Variants in GPHN observed in about 807,000 individuals in gnomAD.
GPHN encodes gephyrin.
Under a neutral mutation model 95.5 loss-of-function variants are expected in GPHN, and 17 were observed. The ratio of observed to expected loss-of-function variants is 0.18; its 90% CI spans 0.12 to 0.27. The LOEUF (loss-of-function observed/expected upper bound fraction) is 0.27. Among genes scored for constraint, GPHN ranks in the 10% least tolerant of loss-of-function variants. The pLI is 1.00. For missense variants in GPHN, 660 were observed against 978.1 expected, an observed-to-expected ratio of 0.67 and a Z score of 4.34; for synonymous variants, 320 against 322.5, an observed-to-expected ratio of 0.99 and a Z score of 0.08.
At chr14:66,673,471 A>C (rs1490068673) in intron 1 of GPHN, among the ~76,000 whole-genome samples, 1 of 152,206 alleles carries the variant, frequency 6.6e-6, no homozygotes, top group Non-Finnish European at 1.5e-5. Context: ...CTATATTCAC[A>C]AGCAGTGTGA....
chr14:67,573,799 A>G, the GPHN span: 1 of 1,604,428 alleles, frequency 6.2e-7, no homozygotes, highest in Non-Finnish European at 8.5e-7. This position sits in a 1 kb window ranked among gnomAD's most constrained non-coding sequence, Gnocchi z 4.8. Context: ...CTTTCTTTAC[A>G]GAGTGATGTC....
intron 3 of GPHN, among the ~76,000 whole-genome samples, chr14:66,787,172 A>G (rs971295324): frequency 2.0e-5 from 3 of 152,168 alleles, no homozygotes; most frequent in South Asian, 2.1e-4. Flanking sequence ...GATAAACACA[A>G]AAAGAAAAAA....
chr14:67,464,056 G>T, the GPHN span, among the ~76,000 whole-genome samples: 1 of 152,110 alleles, frequency 6.6e-6, no homozygotes, highest in African/African-American at 2.4e-5. Flanking sequence ...AGGTGGCGCA[G>T]GGTGTGTGTA....
chr14:67,490,687 C>A, the GPHN span, among the ~76,000 whole-genome samples: 11 of 152,224 alleles, frequency 7.2e-5, no homozygotes, highest in East Asian at 2.1e-3. Flanking sequence ...AAAATCAGAT[C>A]TCTCTCCCCG....
chr14:66,595,344 A>G (rs781286238), intron 1 of GPHN, among the ~76,000 whole-genome samples: 1 of 152,182 alleles, frequency 6.6e-6, no homozygotes, highest in Non-Finnish European at 1.5e-5. Context: ...AGATGCCTGT[A>G]TTTCTGTCAC....
the GPHN span, chr14:67,593,670 A>T: frequency 1.2e-6 from 1 of 840,876 alleles, no homozygotes. Flanking sequence ...GTTTTAGTTT[A>T]AATCTGGGAA....
rs571513388 is a variant in GPHN, at chr14:66,563,085, T to C, written c.64+54494T>C. ...AACTATGCATTTAAAATTCATTTTC[T>C]CCTTTAAGGGATTTTATTGGTATAA... is the stretch of plus-strand genomic sequence containing the variant. On this transcript the variant is annotated intron_variant, in intron 1 of 22. Coordinates refer to ENST00000478722, the MANE Select transcript of GPHN (RefSeq NM_020806.5). 1.0e-3 allele frequency among the ~76,000 whole-genome samples: 151 copies of C among 151,618 alleles called. 1 individual carries two copies. Among genetic ancestry groups the C allele is most frequent in the South Asian group, 7.3e-3 (35 of 4,818 alleles).
chr14:66,539,677 T>C (rs1247443798), intron 1 of GPHN, among the ~76,000 whole-genome samples: 1 of 152,112 alleles, frequency 6.6e-6, no homozygotes, highest in Non-Finnish European at 1.5e-5. Context: ...CACCTCGGCC[T>C]CCCAAAGTGC....
chr14:66,824,550 G>A lies in GPHN; in HGVS notation c.278G>A (p.Arg93Gln), dbSNP rs199979921. 8 of 1,536,600 alleles carry A rather than the reference G, an allele frequency of 5.2e-6. No individual in the cohort carries two copies. The African/African-American group carries it at 5.4e-5, about 10-fold the overall frequency. The change falls in exon 4 of 23, where the codon CGA becomes CAA. Residue 93 changes from arginine to glutamine, a missense_variant. Transcript: ENST00000478722. ...ACTGGAGGAACAGGATTTGCACCAC[G>A]AGATGTCACTCCAGAGGTGAGATAG... Reference protein sequence around the residue: ...LTTGGTGFAPRDVTPEATKEV... With the variant: ...LTTGGTGFAPQDVTPEATKEV...
chr14:67,534,733 GC>G, the GPHN span, among the ~76,000 whole-genome samples: 2 of 151,844 alleles, frequency 1.3e-5, no homozygotes, highest in African/African-American at 4.8e-5. Context: ...AGCCTCTTCT[GC>G]CCTCTTCAGA....
At chr14:66,603,312 GT>G (rs954538157) in intron 1 of GPHN, among the ~76,000 whole-genome samples, 6 of 151,666 alleles carry the variant, frequency 4.0e-5, no homozygotes, top group South Asian at 2.1e-4. Context: ...CATTTTCAGG[GT>G]TTTTTTGTGT....
chr14:66,640,142 T>C (rs759435477), intron 1 of GPHN, among the ~76,000 whole-genome samples: 3 of 152,166 alleles, frequency 2.0e-5, no homozygotes, highest in Non-Finnish European at 2.9e-5. Context: ...GGTTTTGGGC[T>C]GAGCATGGTG....
At chr14:66,848,507 C>A (rs1253762941) in intron 4 of GPHN, among the ~76,000 whole-genome samples, 2 of 152,086 alleles carry the variant, frequency 1.3e-5, no homozygotes, top group Admixed American at 6.6e-5. Context: ...TAGAAAGCTT[C>A]TCTTTTACCA....
intron 8 of GPHN, among the ~76,000 whole-genome samples, chr14:66,939,670 T>A (rs1408177849): frequency 6.6e-6 from 1 of 152,156 alleles, no homozygotes; most frequent in East Asian, 1.9e-4. Flanking sequence ...CCAGGGATCC[T>A]CTGCCTTATC....
chr14:66,740,039 A>G (rs561293420), intron 2 of GPHN, among the ~76,000 whole-genome samples: 27 of 152,298 alleles, frequency 1.8e-4, no homozygotes, highest in African/African-American at 5.5e-4. Context: ...AGCAAAGTGA[A>G]TAATAGGCTA....
the GPHN span, chr14:67,345,930 T>G: frequency 7.5e-6 from 8 of 1,062,222 alleles, no homozygotes; most frequent in East Asian, 1.9e-4. Context: ...CCTATAAAAT[T>G]CCCCAAAAGG....
chr14:67,354,472 T>G, the GPHN span, among the ~76,000 whole-genome samples: 1 of 152,200 alleles, frequency 6.6e-6, no homozygotes, highest in East Asian at 1.9e-4. Context: ...ATCCTACAAA[T>G]TTATTCCCAC....
chr14:66,889,596 T>C (rs1186285673), intron 5 of GPHN, among the ~76,000 whole-genome samples: 1 of 152,000 alleles, frequency 6.6e-6, no homozygotes, highest in Non-Finnish European at 1.5e-5. Context: ...ATACCAAAAC[T>C]TCATAGCATG....
chr14:67,686,690 A>C, the GPHN span, among the ~76,000 whole-genome samples: 1 of 150,806 alleles, frequency 6.6e-6, no homozygotes, highest in Non-Finnish European at 1.5e-5. Flanking sequence ...GCTAAATGAT[A>C]CTTTTGCACA....
Sources: gnomAD v4.1 joint callset for allele counts (sites outside exome capture counted in the v4.1 genomes callset) on GRCh38, gnomAD v4.1.1 for gene constraint, Gnocchi (gnomAD v3.1) non-coding constraint, MANE v1.5 for transcripts, NCBI Gene and HGNC (gene_info 2026-07-23, HGNC 2026-07-21) for gene names.